TRAPPC8: variants seen among roughly 807,000 people sequenced by gnomAD.
The protein encoded by TRAPPC8 is trafficking protein particle complex subunit 8.
TRAPPC8 carries 54 observed loss-of-function variants against 174.3 expected under a neutral mutation model. The observed-to-expected ratio is 0.31, with a 90% CI of 0.25 to 0.39. TRAPPC8 has a LOEUF of 0.39. Ranked by LOEUF, TRAPPC8 falls within the 10% of genes least tolerant of loss-of-function variation. The pLI is 1.00. For missense variants in TRAPPC8, 1,531 were observed against 1,699.1 expected (o/e 0.90, Z 1.74); for synonymous variants, 630 against 579.9 (o/e 1.09, Z -1.24).
chr18:31,915,256 T>C (rs2037080760), intron 4 of TRAPPC8, among the ~76,000 whole-genome samples: 1 of 148,996 alleles, frequency 6.7e-6, no homozygotes, highest in Non-Finnish European at 1.5e-5. Flanking sequence ...ATCACCTGAG[T>C]TCCAGAGCAG....
At position 31,853,940 on chromosome 18, in the gene TRAPPC8, T is replaced by C; in HGVS notation, c.3342A>G (p.Glu1114=). The change falls in exon 22 of 29, where the codon GAA becomes GAG. Residue 1114 remains glutamate (E), a synonymous_variant. Coordinates refer to ENST00000283351, the MANE Select transcript of TRAPPC8 (RefSeq NM_014939.5). ...FVDVENTNTS[E]AGVKEFHIVQ... Reference sequence around the variant, plus strand: ...CTATGTGGAATTCCTTAACGCCTGCTTCACTCTGTCAAAAAAAAAGATAGG... The same window carrying C: ...CTATGTGGAATTCCTTAACGCCTGCCTCACTCTGTCAAAAAAAAAGATAGG... 1 of 1,606,654 alleles carries C rather than the reference T, an allele frequency of 6.2e-7. No homozygotes were observed. Among genetic ancestry groups the C allele is most frequent in the South Asian group, 1.1e-5 (1 of 90,014 alleles).
At chr18:31,839,024 G>A (rs2032935358) in intron 27 of TRAPPC8, among the ~76,000 whole-genome samples, 1 of 152,116 alleles carries the variant, frequency 6.6e-6, no homozygotes, top group African/African-American at 2.4e-5. Context: ...GCAAACTTTT[G>A]AAGTGTTGCC....
chr18:31,934,366 G>C (rs1195768393), intron 1 of TRAPPC8, among the ~76,000 whole-genome samples: 1 of 152,012 alleles, frequency 6.6e-6, no homozygotes, highest in Non-Finnish European at 1.5e-5. Context: ...ATATTTGTTA[G>C]TTCTGGGTAG....
At chr18:31,924,158 G>A (rs1468892819) in intron 2 of TRAPPC8, among the ~76,000 whole-genome samples, 2 of 152,116 alleles carry the variant, frequency 1.3e-5, no homozygotes, top group Non-Finnish European at 2.9e-5. Context: ...GGTGGCGGGT[G>A]CCTGTAATCC....
chr18:31,917,565 T>C lies in TRAPPC8; in HGVS notation c.442+13A>G. 6.3e-7 allele frequency: 1 copy of C among 1,598,262 alleles called. No homozygotes were observed. On this transcript the variant is annotated intron_variant, in intron 3 of 28. Transcript: ENST00000283351. ...ATATTTGATTTGAGGAGAACATAAA[T>C]GTCAAAGGATACATGCTAAATAGTG...
In TRAPPC8 at chr18:31,832,071, A is replaced by G; in HGVS notation, c.4073+13T>C. On this transcript the variant is annotated intron_variant, in intron 28 of 28. Coordinates refer to ENST00000283351, the MANE Select transcript of TRAPPC8 (RefSeq NM_014939.5). ...TCCCAAATCAAATAACCTTGCACTA[A>G]ACAAATCTTTACCTTGTTGTTTTAT... 6.6e-7 allele frequency: 1 copy of G among 1,518,706 alleles called. No individual in the cohort carries two copies. Among genetic ancestry groups the G allele is most frequent in the African/African-American group, 1.4e-5 (1 of 69,734 alleles). The allele number at this position is 1,518,706 out of a possible 1,614,324, so 94.1% of individuals were successfully genotyped here. A position where few individuals can be genotyped will look rare whatever the true frequency, so the allele number is the denominator to read the frequency against.
chr18:31,935,483 G>A (rs1331928532), intron 1 of TRAPPC8, among the ~76,000 whole-genome samples: 7 of 145,812 alleles, frequency 4.8e-5, no homozygotes, highest in African/African-American at 1.5e-4. Flanking sequence ...GGGAGGTGGA[G>A]GTTGCGGTGA....
Position 31,916,549 on chromosome 18 carries a change from C to G in TRAPPC8, c.443-103G>C, listed in dbSNP as rs970157546. 4 of 1,233,024 alleles carry G rather than the reference C, an allele frequency of 3.2e-6. No individual in the cohort carries two copies. In the African/African-American group the frequency reaches 4.7e-5, roughly 14 times the overall value. 76.4% of individuals were successfully genotyped at this position (1,233,024 alleles called of 1,614,324 possible). ...TTTTTGTTTGTTTGTTTGTTTGTTT[C>G]TGAGACAAAGTCTCACTCTGTAGCC... On this transcript the variant is annotated intron_variant, in intron 3 of 28. Coordinates refer to ENST00000283351, the MANE Select transcript of TRAPPC8 (RefSeq NM_014939.5).
intron 10 of TRAPPC8, among the ~76,000 whole-genome samples, chr18:31,900,527 C>G (rs1163225588): frequency 6.6e-6 from 1 of 152,184 alleles, no homozygotes; most frequent in East Asian, 1.9e-4. Context: ...AGCTCATAGT[C>G]TCCTCATAGG....
intron 2 of TRAPPC8, among the ~76,000 whole-genome samples, chr18:31,930,365 C>T (rs2037797653): frequency 6.6e-6 from 1 of 152,086 alleles, no homozygotes; most frequent in African/African-American, 2.4e-5. Context: ...AGTGATCCGC[C>T]TGCCTCGGCC....
rs574279978 is a variant in TRAPPC8 at position 31,917,783 on chromosome 18, C to G, written c.353-116G>C. ...TAAAAAAAAAATTTCTAACAGTAAA[C>G]AAGCATTTTTCACCTGTGCTTTCAG... On this transcript the variant is annotated intron_variant, in intron 2 of 28. Transcript: ENST00000283351. 71 of 847,242 alleles carry G rather than the reference C, an allele frequency of 8.4e-5. No individual in the cohort carries two copies. The African/African-American group carries it at 1.0e-3, about 12-fold the overall frequency. The allele number at this position is 847,242 out of a possible 1,614,324, so 52.5% of individuals were successfully genotyped here. A position where few individuals can be genotyped will look rare whatever the true frequency, so the allele number is the denominator to read the frequency against.
At chr18:31,881,942 C>A (rs1264880194) in intron 12 of TRAPPC8, among the ~76,000 whole-genome samples, 1 of 151,972 alleles carries the variant, frequency 6.6e-6, no homozygotes, top group African/African-American at 2.4e-5. Flanking sequence ...CCATCTCATA[C>A]CAGTTTAGAA....
intron 11 of TRAPPC8, chr18:31,895,764 A>G (rs1267909032): frequency 1.3e-5 from 2 of 152,244 alleles, no homozygotes; most frequent in Non-Finnish European, 2.9e-5. Flanking sequence ...ATTATTTATT[A>G]TAATAGAGAA....
chr18:31,917,760 A>T (rs1202817199), intron 2 of TRAPPC8, 93 bp from the exon 3 acceptor site: 3 of 1,058,710 alleles, frequency 2.8e-6, no homozygotes, highest in African/African-American at 3.5e-5. Flanking sequence ...AAAAGGTATA[A>T]AAAAAAAATT....
At chr18:31,880,625 A>T (rs1403306091) in intron 12 of TRAPPC8, among the ~76,000 whole-genome samples, 1 of 152,090 alleles carries the variant, frequency 6.6e-6, no homozygotes, top group Non-Finnish European at 1.5e-5. Context: ...CACCACTTCT[A>T]TTCAACATAG....
intron 7 of TRAPPC8, 133 bp from the exon 8 acceptor site, chr18:31,908,551 A>C (rs2145483658): frequency 2.3e-6 from 2 of 854,512 alleles, no homozygotes; most frequent in Middle Eastern, 3.7e-4. Flanking sequence ...AAACTGTCCA[A>C]TATGCTGGCA....
At chr18:31,836,173 C>A (rs2032706849) in intron 27 of TRAPPC8, among the ~76,000 whole-genome samples, 1 of 152,220 alleles carries the variant, frequency 6.6e-6, no homozygotes, top group Non-Finnish European at 1.5e-5. Flanking sequence ...CGGTACCCTG[C>A]TTCCAGAGAA....
At chr18:31,861,936 A>AGGGGGGGGGG (rs398032373) in intron 19 of TRAPPC8, among the ~76,000 whole-genome samples, 1 of 64,262 alleles carries the variant, frequency 1.6e-5, no homozygotes, top group Non-Finnish European at 2.7e-5. Flanking sequence ...AAAAAAAAAA[A>AGGGGGGGGGG]GGGGGGGGGG....
In TRAPPC8 at chr18:31,857,641, T is replaced by G. The variant is rs61736000; in HGVS notation, c.3087A>C (p.Ser1029=). 1.1e-3 allele frequency: 1,719 copies of G among 1,614,176 alleles called. 17 individuals are homozygous for G. In the African/African-American group the frequency reaches 0.02, roughly 19 times the overall value. ...LPDTVLLPGA[S]VQLPMWLRGP... ...CACGTAACCACATTGGCAGCTGCAC[T>G]GAGGCTCCGGGTAGAAGAACAGTGT... Residue 1029 remains serine, a synonymous_variant, in exon 20 of 29, where the codon TCA becomes TCC. Transcript: ENST00000283351.
Sources: allele counts gnomAD v4.1 joint callset (sites outside exome capture counted in the v4.1 genomes callset), GRCh38; gene constraint gnomAD v4.1.1; transcripts MANE v1.5; gene names NCBI Gene and HGNC (gene_info 2026-07-23, HGNC 2026-07-21).